Variants in TRHDE observed in about 807,000 individuals in gnomAD.
The protein encoded by TRHDE is thyrotropin-releasing hormone-degrading ectoenzyme.
TRHDE carries 72 observed loss-of-function variants against 125.7 expected under a neutral mutation model. That is an observed-to-expected ratio of 0.57 (90% confidence interval 0.47 to 0.70). The LOEUF (loss-of-function observed/expected upper bound fraction) is 0.70. Ranked by LOEUF, TRHDE falls within the 30% of genes least tolerant of loss-of-function variation. The pLI is 0.00. For missense variants in TRHDE, 1,110 were observed against 1,327.1 expected, an observed-to-expected ratio of 0.84 and a Z score of 2.54; for synonymous variants, 509 against 509.1, an observed-to-expected ratio of 1.00 and a Z score of 0.00.
intron 2 of TRHDE, among the ~76,000 whole-genome samples, chr12:72,212,933 A>T (rs114386331): frequency 0.043 from 6,487 of 152,176 alleles, 303 homozygotes; most frequent in African/African-American, 0.11. Flanking sequence ...AACAATTCAA[A>T]TGTCTATTAC....
At chr12:72,498,907 G>A (rs1302639251) in intron 5 of TRHDE, among the ~76,000 whole-genome samples, 1 of 151,784 alleles carries the variant, frequency 6.6e-6, no homozygotes, top group Non-Finnish European at 1.5e-5. Context: ...CTAGCTTGAT[G>A]TGAAGAGTGC....
intron 7 of TRHDE, among the ~76,000 whole-genome samples, chr12:72,554,046 C>T (rs1232813800): frequency 6.6e-6 from 1 of 151,884 alleles, no homozygotes. Flanking sequence ...TGGGGTTTCA[C>T]CACGTTGGCC....
intron 3 of TRHDE, among the ~76,000 whole-genome samples, chr12:72,405,311 T>C (rs866001450): frequency 2.0e-5 from 3 of 152,188 alleles, no homozygotes; most frequent in African/African-American, 7.2e-5. Context: ...AGAATATTTG[T>C]TTATAACTTG....
chr12:72,272,179 A>G (rs1351478679), upstream of TRHDE: 2 of 454,772 alleles, frequency 4.4e-6, no homozygotes, highest in African/African-American at 4.0e-5. The surrounding 1 kb of genome is among the most constrained non-coding windows in gnomAD (Gnocchi z 6.7). Context: ...TGGGGGGAGA[A>G]AGCGAAAGCC....
At chr12:72,394,376 T>A (rs1872714002) in intron 3 of TRHDE, among the ~76,000 whole-genome samples, 1 of 152,128 alleles carries the variant, frequency 6.6e-6, no homozygotes, top group Non-Finnish European at 1.5e-5. Flanking sequence ...AAGAGATCAG[T>A]ACAAGGAAGA....
intron 5 of TRHDE, among the ~76,000 whole-genome samples, chr12:72,483,364 T>C (rs898311668): frequency 1.3e-5 from 2 of 152,068 alleles, no homozygotes; most frequent in African/African-American, 4.8e-5. Context: ...AGCTGTGTGA[T>C]CTTGTTTATC....
At chr12:72,142,306 T>C (rs1876129723) in intron 2 of TRHDE, among the ~76,000 whole-genome samples, 4 of 152,160 alleles carry the variant, frequency 2.6e-5, no homozygotes, top group Non-Finnish European at 5.9e-5. Context: ...GGTTCCTTTT[T>C]TTCTTTCCTA....
At chr12:72,629,822 C>A (rs1323339538) in intron 15 of TRHDE, among the ~76,000 whole-genome samples, 1 of 151,410 alleles carries the variant, frequency 6.6e-6, no homozygotes, top group Admixed American at 6.6e-5. Flanking sequence ...AGTCCTTCAA[C>A]AACACTAATA....
At chr12:72,132,635 T>C (rs199567213) in intron 2 of TRHDE, among the ~76,000 whole-genome samples, 9 of 152,210 alleles carry the variant, frequency 5.9e-5, no homozygotes, top group African/African-American at 2.2e-4. Context: ...AGCTCTAAGT[T>C]CACACATCAA....
intron 3 of TRHDE, among the ~76,000 whole-genome samples, chr12:72,411,009 A>G (rs564995249): frequency 1.3e-5 from 2 of 152,074 alleles, no homozygotes; most frequent in South Asian, 2.1e-4. Flanking sequence ...TGGCTAACAC[A>G]GTGAAACCAC....
intron 12 of TRHDE, among the ~76,000 whole-genome samples, chr12:72,592,708 C>CTTT (rs35446767): frequency 2.8e-5 from 4 of 144,618 alleles, no homozygotes; most frequent in Non-Finnish European, 6.1e-5. Flanking sequence ...TCTTTTCTTT[C>CTTT]TTTTTTTTTT....
chr12:72,243,824 T>C (rs2139382505), intron 2 of TRHDE, among the ~76,000 whole-genome samples: 1 of 152,302 alleles, frequency 6.6e-6, no homozygotes, highest in Non-Finnish European at 1.5e-5. Flanking sequence ...AGTTCTCTTT[T>C]CCAAGCACTA....
At chr12:72,544,704 G>A (rs1344549606) in intron 7 of TRHDE, among the ~76,000 whole-genome samples, 2 of 150,960 alleles carry the variant, frequency 1.3e-5, no homozygotes, top group Non-Finnish European at 3.0e-5. Flanking sequence ...TGCAATTTAT[G>A]TATCCTTACG....
intron 2 of TRHDE, among the ~76,000 whole-genome samples, chr12:72,361,439 A>G (rs1871075855): frequency 6.6e-6 from 1 of 151,896 alleles, no homozygotes; most frequent in South Asian, 2.1e-4. Context: ...TGTAAAAGAT[A>G]AAAAATATCC....
intron 6 of TRHDE, among the ~76,000 whole-genome samples, chr12:72,510,911 G>A (rs530295158): frequency 2.0e-4 from 31 of 152,248 alleles, no homozygotes; most frequent in Non-Finnish European, 2.9e-4. Context: ...CACCCTGGAG[G>A]ATAGAGGGCT....
At chr12:72,558,340 G>A (rs543774944) in intron 7 of TRHDE, among the ~76,000 whole-genome samples, 70 of 152,108 alleles carry the variant, frequency 4.6e-4, no homozygotes, top group Non-Finnish European at 9.1e-4. Flanking sequence ...TTGAATTGAG[G>A]TAGGCAAAGG....
intron 3 of TRHDE, among the ~76,000 whole-genome samples, chr12:72,387,100 C>G (rs1473568957): frequency 6.6e-6 from 1 of 152,134 alleles, no homozygotes; most frequent in Non-Finnish European, 1.5e-5. Context: ...CATCTCCAGC[C>G]TGGTTCTTTC....
intron 18 of TRHDE, among the ~76,000 whole-genome samples, chr12:72,662,047 T>G (rs1241990750): frequency 6.6e-6 from 1 of 152,094 alleles, no homozygotes; most frequent in Non-Finnish European, 1.5e-5. Flanking sequence ...ATTCAGAAAG[T>G]TATAACCGCA....
At chr12:72,091,056 CAG>C (rs1338943022) in intron 1 of TRHDE, among the ~76,000 whole-genome samples, 1 of 151,904 alleles carries the variant, frequency 6.6e-6, no homozygotes, top group East Asian at 1.9e-4. Flanking sequence ...TATTTTTTTG[CAG>C]AGACAGGGTC....
Sources: allele counts gnomAD v4.1 joint callset (sites outside exome capture counted in the v4.1 genomes callset), GRCh38; gene constraint gnomAD v4.1.1; non-coding constraint Gnocchi (gnomAD v3.1); transcripts MANE v1.5; gene names NCBI Gene and HGNC (gene_info 2026-07-23, HGNC 2026-07-21).